Variants in TBC1D22A observed in about 807,000 individuals in gnomAD.
TBC1D22A encodes the protein putative GTPase activator.
Under a neutral mutation model 60.2 loss-of-function variants are expected in TBC1D22A, and 38 were observed. That is an observed-to-expected ratio of 0.63 (90% CI 0.49 to 0.83). TBC1D22A has a LOEUF of 0.83. TBC1D22A is among the 40% of genes least tolerant of loss of function. TBC1D22A has a pLI of 0.00. For synonymous variants in TBC1D22A, 302 were observed against 281.7 expected (o/e 1.07, Z -0.72); for missense variants, 628 against 701.0 (o/e 0.90, Z 1.18).
intron 1 of TBC1D22A, among the ~76,000 whole-genome samples, chr22:46,776,015 T>G (rs1284666605): frequency 6.6e-6 from 1 of 152,252 alleles, no homozygotes; most frequent in African/African-American, 2.4e-5. Flanking sequence ...ACCGAGGGAC[T>G]TCGTTTGCTG....
intron 7 of TBC1D22A, among the ~76,000 whole-genome samples, chr22:46,902,044 T>C (rs1055531980): frequency 1.3e-5 from 2 of 152,250 alleles, no homozygotes; most frequent in African/African-American, 4.8e-5. Flanking sequence ...ACTGCTGGTG[T>C]TCTGGGCCTG....
chr22:47,107,955 C>T (rs5767495), intron 11 of TBC1D22A, among the ~76,000 whole-genome samples: 58,480 of 151,972 alleles, frequency 0.38, 11,424 homozygotes, highest in South Asian at 0.53. Context: ...TTGAGTTAGG[C>T]AATGATTTTT....
chr22:47,081,128 A>AG (rs2064450855), intron 11 of TBC1D22A, among the ~76,000 whole-genome samples: 1 of 151,734 alleles, frequency 6.6e-6, no homozygotes, highest in Non-Finnish European at 1.5e-5. Flanking sequence ...CTCAAAAAAA[A>AG]AAAAAAAAAA....
At chr22:46,996,803 C>T (rs1036100581) in intron 9 of TBC1D22A, among the ~76,000 whole-genome samples, 1 of 152,166 alleles carries the variant, frequency 6.6e-6, no homozygotes, top group African/African-American at 2.4e-5. Flanking sequence ...GTGTGTGCTC[C>T]CTTAGGTGGT....
chr22:46,922,775 T>G (rs1051250929), intron 8 of TBC1D22A, among the ~76,000 whole-genome samples: 11 of 152,218 alleles, frequency 7.2e-5, no homozygotes, highest in African/African-American at 2.7e-4. Flanking sequence ...TTTTTGTACA[T>G]TGATTTTTGT....
At chr22:46,874,127 T>C (rs1247271845) in intron 4 of TBC1D22A, among the ~76,000 whole-genome samples, 8 of 152,176 alleles carry the variant, frequency 5.3e-5, no homozygotes. Context: ...TTTCTTTTTA[T>C]GGCTGCATAG....
intron 1 of TBC1D22A, among the ~76,000 whole-genome samples, chr22:46,788,081 C>T (rs542138979): frequency 1.3e-5 from 2 of 152,030 alleles, no homozygotes; most frequent in African/African-American, 4.8e-5. Flanking sequence ...GGACTATAGG[C>T]GTCCGCCACC....
chr22:46,879,717 A>G (rs2067754528), intron 5 of TBC1D22A, among the ~76,000 whole-genome samples: 1 of 152,212 alleles, frequency 6.6e-6, no homozygotes, highest in South Asian at 2.1e-4. Flanking sequence ...CCCCTAAGAT[A>G]GGTTGCAGAC....
At chr22:46,921,152 C>T (rs9615421) in intron 8 of TBC1D22A, among the ~76,000 whole-genome samples, 10,369 of 152,150 alleles carry the variant, frequency 0.068, 492 homozygotes, top group Non-Finnish European at 0.11. Flanking sequence ...AATTGTGAGT[C>T]ACAGGGGTTT....
intron 4 of TBC1D22A, among the ~76,000 whole-genome samples, chr22:46,876,586 C>G (rs1403624078): frequency 6.6e-6 from 1 of 152,232 alleles, no homozygotes; most frequent in Non-Finnish European, 1.5e-5. Context: ...CCACATCTGA[C>G]CCTGGTAGCT....
chr22:47,121,120 A>G (rs2066257557), intron 12 of TBC1D22A, among the ~76,000 whole-genome samples: 1 of 152,262 alleles, frequency 6.6e-6, no homozygotes, highest in Non-Finnish European at 1.5e-5. Flanking sequence ...CCCACATGAG[A>G]ATTTATGTAG....
At chr22:46,977,498 G>C (rs1340166116) in intron 9 of TBC1D22A, among the ~76,000 whole-genome samples, 1 of 152,108 alleles carries the variant, frequency 6.6e-6, no homozygotes, top group East Asian at 1.9e-4. Context: ...CAGAATGCTG[G>C]GAGAGGAGGC....
rs887539946 is a variant in TBC1D22A at position 47,175,074 on chromosome 22, T to A, written c.*1448T>A. The A allele has an allele frequency of 6.6e-6, 1 of 152,290 alleles. No individual in the cohort carries two copies. Among genetic ancestry groups the A allele is most frequent in the Non-Finnish European group, 1.5e-5 (1 of 68,086 alleles). 9.4% of individuals were successfully genotyped at this position (152,290 alleles called of 1,614,324 possible). A position where few individuals can be genotyped will look rare whatever the true frequency, so the allele number is the denominator to read the frequency against. On this transcript the variant is annotated 3_prime_UTR_variant, in exon 13 of 13. Transcript: ENST00000337137. ...AGCAGCCGTGTCCTCTCCCAGGCCC[T>A]AGGACACTGCCAGAGACTGTGGGAC...
At chr22:46,960,954 CAAAAA>C (rs397868006) in intron 8 of TBC1D22A, among the ~76,000 whole-genome samples, 1 of 47,756 alleles carries the variant, frequency 2.1e-5, no homozygotes. Flanking sequence ...GACACCATCT[CAAAAA>C]AAAAAAAAAA....
At chr22:46,971,572 G>C (rs136107) in intron 8 of TBC1D22A, among the ~76,000 whole-genome samples, 2,273 of 152,314 alleles carry the variant, frequency 0.015, 25 homozygotes, top group Non-Finnish European at 0.023. Context: ...TGATGCCAGG[G>C]GGAGGCCACT....
chr22:46,890,533 T>C lies in TBC1D22A; in HGVS notation c.709-733T>C, dbSNP rs528170592. On this transcript the variant is annotated intron_variant, in intron 5 of 12. Transcript: ENST00000337137. ...CACTATGGCATTTTATATAAGGGTC[T>C]TGAGTAGCTAAGAATTTTGGTATCC... 3.3e-3 allele frequency among the ~76,000 whole-genome samples: 507 copies of C among 152,306 alleles called. 2 individuals are homozygous for C. The highest frequency in any genetic ancestry group is 5.9e-3 in the Non-Finnish European group (404 of 68,022).
At chr22:46,975,827 A>G (rs2074272984) in intron 9 of TBC1D22A, among the ~76,000 whole-genome samples, 1 of 152,186 alleles carries the variant, frequency 6.6e-6, no homozygotes, top group South Asian at 2.1e-4. Flanking sequence ...GTTACTTTTC[A>G]TGATGTAGGA....
At chr22:47,019,756 C>T (rs2062018827) in intron 10 of TBC1D22A, among the ~76,000 whole-genome samples, 1 of 152,004 alleles carries the variant, frequency 6.6e-6, no homozygotes, top group South Asian at 2.1e-4. Context: ...CCATCCATCC[C>T]TCACTGGCTG....
At chr22:46,967,130 T>G (rs1020252127) in intron 8 of TBC1D22A, among the ~76,000 whole-genome samples, 7 of 152,248 alleles carry the variant, frequency 4.6e-5, no homozygotes, top group African/African-American at 1.7e-4. Flanking sequence ...AGTCGGGAAC[T>G]GTGACTGTGG....
Sources: gnomAD v4.1 joint callset for allele counts (sites outside exome capture counted in the v4.1 genomes callset) on GRCh38, gnomAD v4.1.1 for gene constraint, MANE v1.5 for transcripts, NCBI Gene and HGNC (gene_info 2026-07-23, HGNC 2026-07-21) for gene names.